The following ZAP70 variants were observed in gnomAD, a reference collection of about 807,000 sequenced individuals.
The protein encoded by ZAP70 is zeta chain of T cell receptor associated protein kinase 70, also known as tyrosine-protein kinase ZAP-70.
Under a neutral mutation model 65.8 loss-of-function variants are expected in ZAP70, and 27 were observed. The observed-to-expected ratio is 0.41, with a 90% CI of 0.30 to 0.57. ZAP70 has a LOEUF of 0.57. Ranked by LOEUF, ZAP70 falls within the 20% of genes least tolerant of loss-of-function variation. The pLI, the probability that ZAP70 is intolerant of heterozygous loss-of-function variation, is 0.28. For missense variants in ZAP70, 696 were observed against 870.5 expected, an observed-to-expected ratio of 0.80 and a Z score of 2.52; for synonymous variants, 363 against 360.8, an observed-to-expected ratio of 1.01 and a Z score of -0.07.
At position 97,739,526 on chromosome 2, in the gene ZAP70, C is replaced by G; in HGVS notation, c.*28C>G. The G allele has an allele frequency of 1.2e-6, 2 of 1,606,862 alleles. No individual in the cohort carries two copies. The highest frequency in any genetic ancestry group is 1.7e-6 in the Non-Finnish European group (2 of 1,177,654). On this transcript the variant is annotated 3_prime_UTR_variant, in exon 14 of 14. Coordinates refer to ENST00000264972, the MANE Select transcript of ZAP70 (RefSeq NM_001079.4). ...TCCCGCTGCCCAGGGGAGCCCTCCA[C>G]GCCGGCTCTTCCCCACCCTCAGCCC...
rs543420560 is a variant in ZAP70, at chr2:97,736,827, A to G, written c.1290-646A>G. Among the ~76,000 whole-genome samples, 2 of 151,942 alleles carry G rather than the reference A, an allele frequency of 1.3e-5. No homozygotes were observed. Among genetic ancestry groups the G allele is most frequent in the East Asian group, 3.9e-4 (2 of 5,150 alleles). ...CCAGGCCTTGCGGGCTGCCAGGAGGACTTGGAGTTTTACCCTGAGTTGGGT... is the reference window on the plus strand; with the variant it reads ...CCAGGCCTTGCGGGCTGCCAGGAGGGCTTGGAGTTTTACCCTGAGTTGGGT... On this transcript the variant is annotated intron_variant, in intron 10 of 13. Coordinates refer to ENST00000264972, the MANE Select transcript of ZAP70 (RefSeq NM_001079.4). This position sits in a 1 kb window ranked among gnomAD's most constrained non-coding sequence, Gnocchi z 4.0.
At chr2:97,741,439 G>GCCA (rs2104714455), downstream of ZAP70, among the ~76,000 whole-genome samples, 1 of 150,286 alleles carries the variant, frequency 6.7e-6, no homozygotes, top group African/African-American at 2.5e-5. Context: ...CCGTCCCCCG[G>GCCA]GGTGATGTCC....
chr2:97,734,223 G>A lies in ZAP70; in HGVS notation c.890-297G>A, dbSNP rs562738387. The A allele has an allele frequency of 2.5e-4, 161 of 636,936 alleles. No homozygotes were observed. In the African/African-American group the frequency reaches 2.7e-3, roughly 11 times the overall value. The allele number at this position is 636,936 out of a possible 1,614,324, so 39.5% of individuals were successfully genotyped here. On this transcript the variant is annotated intron_variant, in intron 8 of 13. Transcript: ENST00000264972. ...GACGGGCCCGGCCATAGGCGTACAC[G>A]TACGAATGCACACACATGCACACCC...
rs958703745 is a variant in ZAP70 at position 97,736,577 on chromosome 2, A to T, written c.1290-896A>T. Among the ~76,000 whole-genome samples the T allele has an allele frequency of 6.6e-6, 1 of 152,214 alleles. No homozygotes were observed. The highest frequency in any genetic ancestry group is 1.5e-5 in the Non-Finnish European group (1 of 68,042). On this transcript the variant is annotated intron_variant, in intron 10 of 13. Transcript: ENST00000264972. The surrounding 1 kb of genome is among the most constrained non-coding windows in gnomAD (Gnocchi z 4.0). ...TAACAATCCTGATGAAATCTAGAGC[A>T]TGTGGGAAGATAGTGTGGTGGGCAC...
chr2:97,736,880 G>A lies in ZAP70; in HGVS notation c.1290-593G>A, dbSNP rs1489445032. On this transcript the variant is annotated intron_variant, in intron 10 of 13. Coordinates refer to ENST00000264972, the MANE Select transcript of ZAP70 (RefSeq NM_001079.4). The surrounding 1 kb of genome is among the most constrained non-coding windows in gnomAD (Gnocchi z 4.0). Reference sequence around the variant, plus strand: ...GAGCTAGGGGGTGCTGTGAGCAGAGGAGGGGGAGGACCTGACTCAGGGGCA... The same window carrying A: ...GAGCTAGGGGGTGCTGTGAGCAGAGAAGGGGGAGGACCTGACTCAGGGGCA... Among the ~76,000 whole-genome samples the A allele has an allele frequency of 6.6e-6, 1 of 152,132 alleles. No homozygotes were observed. The highest frequency in any genetic ancestry group is 2.1e-4 in the South Asian group (1 of 4,824).
chr2:97,737,434 GTCT>G lies in ZAP70; in HGVS notation c.1290-35_1290-33del, dbSNP rs1677938213. The G allele has an allele frequency of 6.2e-7, 1 of 1,610,964 alleles. No individual in the cohort carries two copies. Among genetic ancestry groups the G allele is most frequent in the African/African-American group, 1.3e-5 (1 of 74,848 alleles). ...TGCTTTGCCCCTGGGAACTTGGCTAGTCTTCTCCCAGCTGACCCCGCCTTCCCC... is the reference window on the plus strand; with the variant it reads ...TGCTTTGCCCCTGGGAACTTGGCTAGTCTCCCAGCTGACCCCGCCTTCCCC... On this transcript the variant is annotated intron_variant, in intron 10 of 13. Transcript: ENST00000264972. This position sits in a 1 kb window ranked among gnomAD's most constrained non-coding sequence, Gnocchi z 5.0.
downstream of ZAP70, among the ~76,000 whole-genome samples, chr2:97,744,499 T>G (rs1168668980): frequency 4.6e-5 from 7 of 152,236 alleles, no homozygotes. Context: ...AGTAGTGATG[T>G]GAAGTGAAAC....
downstream of ZAP70, among the ~76,000 whole-genome samples, chr2:97,743,900 T>C: frequency 6.6e-6 from 1 of 152,238 alleles, no homozygotes; most frequent in Middle Eastern, 3.2e-3. Context: ...GCATTGGTAC[T>C]AGCCTCCTAA....
downstream of ZAP70, among the ~76,000 whole-genome samples, chr2:97,743,372 G>A (rs1678175681): frequency 6.6e-6 from 1 of 152,160 alleles, no homozygotes; most frequent in Non-Finnish European, 1.5e-5. Flanking sequence ...TTTTGCTCTT[G>A]TTGCCCAGGC....
chr2:97,734,360 T>A, intron 8 of ZAP70, 160 bp from the exon 9 acceptor site: 1 of 1,435,668 alleles, frequency 7.0e-7, no homozygotes. Context: ...TATGCCAGTG[T>A]GTGCGTGTGG....
At chr2:97,750,409 G>A in the ZAP70 span, among the ~76,000 whole-genome samples, 1 of 152,228 alleles carries the variant, frequency 6.6e-6, no homozygotes, top group Admixed American at 6.5e-5. Context: ...TTGCTCTGGA[G>A]TGGAGGCTGG....
chr2:97,731,881 C>T lies in ZAP70; in HGVS notation c.564-1002C>T, dbSNP rs78145925. Among the ~76,000 whole-genome samples, 659 of 152,274 alleles carry T rather than the reference C, an allele frequency of 4.3e-3. 8 individuals are homozygous for T. The highest frequency in any genetic ancestry group is 0.015 in the African/African-American group (611 of 41,544). Reference sequence around the variant, plus strand: ...CCTGAGATCAGGAGTCGGCTGCTTCCGGCCTCCACAGCTTCCACGGGGCCA... The same window carrying T: ...CCTGAGATCAGGAGTCGGCTGCTTCTGGCCTCCACAGCTTCCACGGGGCCA... On this transcript the variant is annotated intron_variant, in intron 4 of 13. Transcript: ENST00000264972. The surrounding 1 kb of genome is among the most constrained non-coding windows in gnomAD (Gnocchi z 4.0).
intron 3 of ZAP70, 139 bp downstream of exon 3, chr2:97,724,577 G>C (rs1677301231): frequency 6.5e-7 from 1 of 1,534,228 alleles, no homozygotes. Context: ...GTGGGGCACT[G>C]GTTGGGGAAG....
chr2:97,724,098 A>T lies in ZAP70; in HGVS notation c.62A>T (p.Glu21Val). ...FYGSISRAEAEEHLKLAGMAD... is the reference protein window; with the variant it reads ...FYGSISRAEAVEHLKLAGMAD... ...GGCAGCATCTCGCGTGCCGAGGCCG[A>T]GGAGCACCTGAAGCTGGCGGGCATG... is the stretch of plus-strand genomic sequence containing the variant. The change falls in exon 3 of 14, where the codon GAG (glutamate) becomes GTG (valine). Residue 21 changes from glutamate (E) to valine (V), a missense_variant. By Grantham distance (121) the Glu-to-Val change is moderately radical. This residue lies in a region of ZAP70 where 551 missense variants were observed against 630.0 expected (regional missense o/e 0.87). Transcript: ENST00000264972. The T allele has an allele frequency of 6.4e-7, 1 of 1,565,804 alleles. No homozygotes were observed. Among genetic ancestry groups the T allele is most frequent in the Non-Finnish European group, 8.6e-7 (1 of 1,159,058 alleles).
chr2:97,727,158 G>A (rs1214733685), intron 4 of ZAP70, among the ~76,000 whole-genome samples: 1 of 152,268 alleles, frequency 6.6e-6, no homozygotes, highest in East Asian at 1.9e-4. Context: ...GCCTTTGTTT[G>A]TGTAATGTCA....
chr2:97,717,001 G>A (rs2104638751), intron 2 of ZAP70, among the ~76,000 whole-genome samples: 1 of 152,342 alleles, frequency 6.6e-6, no homozygotes, highest in South Asian at 2.1e-4. Flanking sequence ...TCCAATCCCT[G>A]CAGTCAGGAA....
At chr2:97,733,642 G>A (rs188148020) in intron 8 of ZAP70, 47 bp downstream of exon 8, 30 of 1,608,938 alleles carry the variant, frequency 1.9e-5, no homozygotes, top group South Asian at 1.1e-5. Flanking sequence ...ATGCTGAGCC[G>A]AGATCAGGGT....
intron 13 of ZAP70, 103 bp from the exon 14 acceptor site, chr2:97,739,272 C>T (rs1388193958): frequency 4.5e-6 from 7 of 1,545,596 alleles, no homozygotes; most frequent in African/African-American, 1.4e-5. Flanking sequence ...ACTTTCTGAG[C>T]CCCAAAAGTC....
At chr2:97,720,047 C>T (rs1310142114) in intron 2 of ZAP70, among the ~76,000 whole-genome samples, 2 of 152,200 alleles carry the variant, frequency 1.3e-5, no homozygotes, top group Non-Finnish European at 1.5e-5. Context: ...TAGAATTCCA[C>T]TGTAGGCATG....
Sources: gnomAD v4.1 joint callset for allele counts (sites outside exome capture counted in the v4.1 genomes callset) on GRCh38, gnomAD v4.1.1 for gene constraint, gnomAD v4.1.1 regional missense constraint, Gnocchi (gnomAD v3.1) non-coding constraint, MANE v1.5 for transcripts, NCBI Gene and HGNC (gene_info 2026-07-23, HGNC 2026-07-21) for gene names.